The following TMPPE variants were observed in gnomAD, a reference collection of about 807,000 sequenced individuals.
TMPPE encodes the protein transmembrane protein with metallophosphoesterase domain.
TMPPE carries 16 observed loss-of-function variants against 22.6 expected under a neutral mutation model. The observed-to-expected ratio is 0.71, with a 90% confidence interval of 0.48 to 1.08. The LOEUF (loss-of-function observed/expected upper bound fraction) is 1.08, where lower values mean the gene tolerates loss of function less well. Among genes scored for constraint, TMPPE ranks in the 50% least tolerant of loss-of-function variants. The pLI is 0.00. For missense variants in TMPPE, 526 were observed against 584.3 expected (o/e 0.90, Z 1.03); for synonymous variants, 240 against 245.3 (o/e 0.98, Z 0.20).
In TMPPE at chr3:33,091,888, T is replaced by C. The variant is rs941846514; in HGVS notation, c.*946A>G. The C allele has an allele frequency of 1.0e-6, 1 of 985,464 alleles. No individual in the cohort carries two copies. Among genetic ancestry groups the C allele is most frequent in the African/African-American group, 1.7e-5 (1 of 57,358 alleles). 61.0% of individuals were successfully genotyped at this position (985,464 alleles called of 1,614,324 possible). On this transcript the variant is annotated 3_prime_UTR_variant, in exon 2 of 2. Coordinates refer to ENST00000342462, the MANE Select transcript of TMPPE (RefSeq NM_001039770.3). ...TTATCTCCATCTCAGGATCAAAGGA[T>C]CTATTGCTTCTGGCAAAAGGGCAAA...
In TMPPE at chr3:33,091,819, G is replaced by A. The variant is rs1700775770; in HGVS notation, c.*1015C>T. On this transcript the variant is annotated 3_prime_UTR_variant, in exon 2 of 2. Coordinates refer to ENST00000342462, the MANE Select transcript of TMPPE (RefSeq NM_001039770.3). Reference sequence around the variant, plus strand: ...GCCTAAATCACCCAGCAGGAAACCAGCCCAGCCCTGTCTTCTCAGTGAGGC... The same window carrying A: ...GCCTAAATCACCCAGCAGGAAACCAACCCAGCCCTGTCTTCTCAGTGAGGC... The A allele has an allele frequency of 3.0e-6, 3 of 985,360 alleles. No individual in the cohort carries two copies. The highest frequency in any genetic ancestry group is 4.7e-5 in the South Asian group (1 of 21,292). 61.0% of individuals were successfully genotyped at this position (985,360 alleles called of 1,614,324 possible). A position where few individuals can be genotyped will look rare whatever the true frequency, so the allele number is the denominator to read the frequency against.
intron 1 of TMPPE, chr3:33,096,312 A>G: frequency 1.1e-6 from 1 of 884,380 alleles, no homozygotes; most frequent in Non-Finnish European, 1.4e-6. Context: ...TTCCTCTCCC[A>G]CCAACTGTGC....
Position 33,094,007 on chromosome 3 carries a change from A to C in TMPPE, c.189T>G (p.Ile63Met), listed in dbSNP as rs982977329. 1 of 1,614,102 alleles carries C rather than the reference A, an allele frequency of 6.2e-7. No individual in the cohort carries two copies. The highest frequency in any genetic ancestry group is 1.3e-5 in the African/African-American group (1 of 74,948). Residue 63 changes from isoleucine (I) to methionine (M), a missense_variant, in exon 2 of 2, where the codon ATT becomes ATG. By Grantham distance (10) the Ile-to-Met change is conservative. Transcript: ENST00000342462. ...AGAGGTTGCTCACTGTGCTGCGCCA[A>C]ATGTAGAGGGAGCCAATGAGCAAGA... is the stretch of plus-strand genomic sequence containing the variant. ...NSLLLIGSLY[I>M]WRSTVSNLCH...
chr3:33,092,120 T>A lies in TMPPE; in HGVS notation c.*714A>T. On this transcript the variant is annotated 3_prime_UTR_variant, in exon 2 of 2. Coordinates refer to ENST00000342462, the MANE Select transcript of TMPPE (RefSeq NM_001039770.3). The stretch of plus-strand genomic sequence containing the variant: ...AGCCCTCTGAATTCCTAAGCAGCCA[T>A]GTTCTCACCATCACCGACCATGGCG... 1.0e-6 allele frequency: 1 copy of A among 985,556 alleles called. No homozygotes were observed. 61.1% of individuals were successfully genotyped at this position (985,556 alleles called of 1,614,324 possible).
rs1242734974 is a variant in TMPPE at position 33,096,333 on chromosome 3, C to A, written c.-109+386G>T. 4.2e-6 allele frequency: 4 copies of A among 953,436 alleles called. No individual in the cohort carries two copies. In the African/African-American group the frequency reaches 5.3e-5, roughly 13 times the overall value. The allele number at this position is 953,436 out of a possible 1,614,324, so 59.1% of individuals were successfully genotyped here. ...TCCCACCAACTGTGCACGCCCCGCA[C>A]CTCACCTATTCGCCTCGCCAGCCCT... On this transcript the variant is annotated intron_variant, in intron 1 of 1. Coordinates refer to ENST00000342462, the MANE Select transcript of TMPPE (RefSeq NM_001039770.3).
In TMPPE at chr3:33,090,769, G is replaced by A; in HGVS notation, c.*2065C>T. On this transcript the variant is annotated 3_prime_UTR_variant, in exon 2 of 2. Coordinates refer to ENST00000342462, the MANE Select transcript of TMPPE (RefSeq NM_001039770.3). ...AGGGAATACAAACCACATACGAGAG[G>A]GTGTTGATGTTGTTTCTCAGATACA... 2.0e-6 allele frequency: 2 copies of A among 985,318 alleles called. No homozygotes were observed. Among genetic ancestry groups the A allele is most frequent in the Non-Finnish European group, 2.4e-6 (2 of 829,924 alleles). The allele number at this position is 985,318 out of a possible 1,614,324, so 61.0% of individuals were successfully genotyped here. A position where few individuals can be genotyped will look rare whatever the true frequency, so the allele number is the denominator to read the frequency against.
intron 1 of TMPPE, 55 bp downstream of exon 1, chr3:33,096,664 C>T (rs1701042763): frequency 8.9e-7 from 1 of 1,127,966 alleles, no homozygotes; most frequent in South Asian, 2.7e-5. Context: ...CCCTCTAACC[C>T]GCGCAACTTG....
At position 33,094,187 on chromosome 3, in the gene TMPPE, G is replaced by A. The variant is rs1251838321; in HGVS notation, c.9C>T (p.Ile3=). The A allele has an allele frequency of 6.2e-7, 1 of 1,600,372 alleles. No homozygotes were observed. The highest frequency in any genetic ancestry group is 8.5e-7 in the Non-Finnish European group (1 of 1,170,886). Residue 3 remains isoleucine, a synonymous_variant, in exon 2 of 2, where the codon ATC becomes ATT. Transcript: ENST00000342462. MA[I]FRQLSLGAKA... is the part of the protein sequence containing the mutation. ...TCGCGCCTAGGGACAGCTGCCTGAA[G>A]ATGGCCATTTTCTCTGCTCCTAGTA...
Position 33,092,971 on chromosome 3 carries a change from G to A in TMPPE, c.1225C>T (p.Pro409Ser). ...PLNVAAYLLN[P>S]FFAGLYQVAQ... is the part of the protein sequence containing the mutation. The stretch of plus-strand genomic sequence containing the variant: ...ACCTGGTAGAGACCAGCAAAGAAGG[G>A]ATTCAGGAGATAGGCTGCTACGTTC... The change falls in exon 2 of 2, where the codon CCC (proline) becomes TCC (serine). Residue 409 changes from proline (P) to serine (S), a missense_variant. Coordinates refer to ENST00000342462, the MANE Select transcript of TMPPE (RefSeq NM_001039770.3). The A allele has an allele frequency of 6.2e-7, 1 of 1,614,222 alleles. No homozygotes were observed. Among genetic ancestry groups the A allele is most frequent in the Non-Finnish European group, 8.5e-7 (1 of 1,180,046 alleles).
In TMPPE at chr3:33,093,691, C is replaced by G; in HGVS notation, c.505G>C (p.Ala169Pro). Residue 169 changes from alanine to proline, a missense_variant, in exon 2 of 2, where the codon GCA becomes CCA. By Grantham distance (27) the Ala-to-Pro change is conservative (BLOSUM62 -1). Transcript: ENST00000342462. This position sits in a 1 kb window ranked among gnomAD's most constrained non-coding sequence, Gnocchi z 6.0. ...CTGAGCACAGCAGTCACTCCCACTG[C>G]CAGGGCAGGCCTGAGCACGAGCTTC... ...TRKLVLRPAL[A>P]VGVTAVLSVA... 6.2e-7 allele frequency: 1 copy of G among 1,614,188 alleles called. No homozygotes were observed. Among genetic ancestry groups the G allele is most frequent in the Non-Finnish European group, 8.5e-7 (1 of 1,180,034 alleles).
chr3:33,091,119 G>A lies in TMPPE; in HGVS notation c.*1715C>T, dbSNP rs1357225622. On this transcript the variant is annotated 3_prime_UTR_variant, in exon 2 of 2. Transcript: ENST00000342462. ...AATCCAAAGCGAGAACTTAAAGGGA[G>A]TAAGGATGATTCACAAAATGCGGTC... The A allele has an allele frequency of 1.0e-6, 1 of 985,414 alleles. No individual in the cohort carries two copies. The highest frequency in any genetic ancestry group is 1.2e-6 in the Non-Finnish European group (1 of 829,948). 61.0% of individuals were successfully genotyped at this position (985,414 alleles called of 1,614,324 possible).
chr3:33,096,580 T>C (rs1459508075), intron 1 of TMPPE, 139 bp downstream of exon 1: 5 of 1,028,404 alleles, frequency 4.9e-6, no homozygotes, highest in African/African-American at 1.7e-5. Context: ...CCTGACCCCA[T>C]TTTTCTCCTT....
chr3:33,090,612 C>T lies in TMPPE; in HGVS notation c.*2222G>A. 4 of 985,380 alleles carry T rather than the reference C, an allele frequency of 4.1e-6. No homozygotes were observed. The highest frequency in any genetic ancestry group is 4.8e-6 in the Non-Finnish European group (4 of 829,922). The allele number at this position is 985,380 out of a possible 1,614,324, so 61.0% of individuals were successfully genotyped here. The stretch of plus-strand genomic sequence containing the variant: ...CGTTTCTCACCACCTCCCCCGGCCA[C>T]AAACAAACAAAAAGGTCCATGGTTT... On this transcript the variant is annotated 3_prime_UTR_variant, in exon 2 of 2. Transcript: ENST00000342462.
At chr3:33,096,295 G>A (rs1701023350) in intron 1 of TMPPE, 1 of 749,406 alleles carries the variant, frequency 1.3e-6, no homozygotes, top group East Asian at 1.3e-4. Context: ...AGCGAGTGAA[G>A]CTGTCCTTCC....
Position 33,092,873 on chromosome 3 carries a change from C to A in TMPPE, c.1323G>T (p.Arg441Ser). The change falls in exon 2 of 2, where the codon AGG (arginine) becomes AGT (serine). Residue 441 changes from arginine to serine, a missense_variant. Coordinates refer to ENST00000342462, the MANE Select transcript of TMPPE (RefSeq NM_001039770.3). Reference protein sequence around the residue: ...YYGIPMRLGSRAEITELILQR... With the variant: ...YYGIPMRLGSSAEITELILQR... ...GCAGGATGAGCTCTGTGATCTCGGC[C>A]CTGCTACCCAGCCTCATGGGTATCC... is the stretch of plus-strand genomic sequence containing the variant. 6.2e-7 allele frequency: 1 copy of A among 1,612,416 alleles called. No individual in the cohort carries two copies. Among genetic ancestry groups the A allele is most frequent in the Non-Finnish European group, 8.5e-7 (1 of 1,179,010 alleles).
rs1559424119 is a variant in TMPPE at position 33,094,092 on chromosome 3, A to G, written c.104T>C (p.Leu35Pro). 1 of 1,614,262 alleles carries G rather than the reference A, an allele frequency of 6.2e-7. No homozygotes were observed. The highest frequency in any genetic ancestry group is 1.1e-5 in the South Asian group (1 of 91,092). The part of the protein sequence containing the change: ...IASRSYLAES[L>P]ELRAWRWLLR... ...CAGCCAACGCCAGGCCCTGAGCTCAAGGCTCTCTGCCAGATACGAGCGGGA... is the reference window on the plus strand; with the variant it reads ...CAGCCAACGCCAGGCCCTGAGCTCAGGGCTCTCTGCCAGATACGAGCGGGA... Residue 35 changes from leucine to proline, a missense_variant, in exon 2 of 2, where the codon CTT becomes CCT. Physicochemically the swap from Leu to Pro is moderately conservative, Grantham distance 98. Coordinates refer to ENST00000342462, the MANE Select transcript of TMPPE (RefSeq NM_001039770.3).
Position 33,093,228 on chromosome 3 carries a change from C to T in TMPPE, c.968G>A (p.Ser323Asn). Reference sequence around the variant, plus strand: ...CAAGCAGATCCAGTCCTCATCCTCACTCCCACTGCCACTGCCACCACCACC... The same window carrying T: ...CAAGCAGATCCAGTCCTCATCCTCATTCCCACTGCCACTGCCACCACCACC... Reference protein sequence around the residue: ...QRGGGGSGSGSEDEDWICLAG... With the variant: ...QRGGGGSGSGNEDEDWICLAG... Residue 323 changes from serine (S) to asparagine (N), a missense_variant, in exon 2 of 2, where the codon AGT becomes AAT. Transcript: ENST00000342462. The surrounding 1 kb of genome is among the most constrained non-coding windows in gnomAD (Gnocchi z 6.0). The T allele has an allele frequency of 1.2e-6, 2 of 1,614,132 alleles. No individual in the cohort carries two copies. The highest frequency in any genetic ancestry group is 2.2e-5 in the South Asian group (2 of 91,068).
At position 33,092,238 on chromosome 3, in the gene TMPPE, T is replaced by G; in HGVS notation, c.*596A>C. ...TCAAGGCCTGGAACAGGAGGAGCTT[T>G]GCATTCCAGTAGATTTTGCTGATGC... On this transcript the variant is annotated 3_prime_UTR_variant, in exon 2 of 2. Coordinates refer to ENST00000342462, the MANE Select transcript of TMPPE (RefSeq NM_001039770.3). 1.0e-6 allele frequency: 1 copy of G among 985,730 alleles called. No homozygotes were observed. The highest frequency in any genetic ancestry group is 1.2e-6 in the Non-Finnish European group (1 of 830,172). 61.1% of individuals were successfully genotyped at this position (985,730 alleles called of 1,614,324 possible).
chr3:33,093,129 T>A lies in TMPPE; in HGVS notation c.1067A>T (p.Glu356Val), dbSNP rs1559423030. The change falls in exon 2 of 2, where the codon GAG (glutamate) becomes GTG (valine). Residue 356 changes from glutamate to valine, a missense_variant. By Grantham distance (121) the Glu-to-Val change is moderately radical. Coordinates refer to ENST00000342462, the MANE Select transcript of TMPPE (RefSeq NM_001039770.3). This position sits in a 1 kb window ranked among gnomAD's most constrained non-coding sequence, Gnocchi z 6.0. ...GHGMDLDKALEGCSPDHTIIL... is the reference protein window; with the variant it reads ...GHGMDLDKALVGCSPDHTIIL... Reference sequence around the variant, plus strand: ...GATTGTGTGGTCTGGGCTGCAGCCCTCCAGGGCCTTGTCAAGATCCATGCC... The same window carrying A: ...GATTGTGTGGTCTGGGCTGCAGCCCACCAGGGCCTTGTCAAGATCCATGCC... The A allele has an allele frequency of 1.2e-6, 2 of 1,614,184 alleles. No homozygotes were observed. The highest frequency in any genetic ancestry group is 3.3e-5 in the Admixed American group (2 of 60,026).
Sources: gnomAD v4.1 joint callset for allele counts on GRCh38, gnomAD v4.1.1 for gene constraint, Gnocchi (gnomAD v3.1) non-coding constraint, MANE v1.5 for transcripts, NCBI Gene and HGNC (gene_info 2026-07-23, HGNC 2026-07-21) for gene names.